ADGRL3: variants seen among roughly 807,000 people sequenced by gnomAD.
The protein encoded by ADGRL3 is calcium-independent alpha-latrotoxin receptor 3.
Under a neutral mutation model 153.5 loss-of-function variants are expected in ADGRL3, and 62 were observed. The observed-to-expected ratio is 0.40, with a 90% CI of 0.33 to 0.50. The LOEUF is 0.50. Ranked by LOEUF, ADGRL3 falls within the 20% of genes least tolerant of loss-of-function variation. The pLI, the probability that ADGRL3 is intolerant of heterozygous loss-of-function variation, is 0.47. For synonymous variants in ADGRL3, 710 were observed against 672.5 expected, an observed-to-expected ratio of 1.06 and a Z score of -0.86; for missense variants, 1,641 against 1,859.4, an observed-to-expected ratio of 0.88 and a Z score of 2.16.
intron 4 of ADGRL3, among the ~76,000 whole-genome samples, chr4:61,555,009 G>A (rs1245481651): frequency 6.6e-6 from 1 of 152,176 alleles, no homozygotes; most frequent in Non-Finnish European, 1.5e-5. Context: ...AGTAAAGTTT[G>A]TCCCTCTGGT....
chr4:61,911,165 C>T (rs1233172143), intron 12 of ADGRL3, among the ~76,000 whole-genome samples: 7 of 151,888 alleles, frequency 4.6e-5, no homozygotes, highest in Non-Finnish European at 8.8e-5. Context: ...CATAATGTAC[C>T]GGATGTAGTC....
intron 2 of ADGRL3, among the ~76,000 whole-genome samples, chr4:61,408,846 A>C (rs1364883271): frequency 6.6e-6 from 1 of 152,028 alleles, no homozygotes; most frequent in Non-Finnish European, 1.5e-5. Flanking sequence ...GCTAAGTCTA[A>C]CATACTTTCA....
chr4:61,254,043 G>A (rs559771081), intron 1 of ADGRL3, among the ~76,000 whole-genome samples: 5 of 152,190 alleles, frequency 3.3e-5, no homozygotes, highest in African/African-American at 7.2e-5. Flanking sequence ...CAGTCAAGTC[G>A]CATTATCAAT....
intron 2 of ADGRL3, among the ~76,000 whole-genome samples, chr4:61,398,185 G>A (rs1442590726): frequency 6.6e-6 from 1 of 151,584 alleles, no homozygotes; most frequent in African/African-American, 2.4e-5. Flanking sequence ...TTAAGAATAA[G>A]AAATAGTTGA....
intron 3 of ADGRL3, among the ~76,000 whole-genome samples, chr4:61,509,397 G>T (rs1474995064): frequency 6.6e-6 from 1 of 151,994 alleles, no homozygotes; most frequent in Admixed American, 6.6e-5. Context: ...CAAAGTGCTG[G>T]GATTACAGGC....
chr4:61,953,339 G>A (rs530887407), intron 17 of ADGRL3, among the ~76,000 whole-genome samples: 1 of 152,260 alleles, frequency 6.6e-6, no homozygotes, highest in African/African-American at 2.4e-5. Flanking sequence ...ATAGCTATTG[G>A]CATCAAGCTG....
chr4:61,817,378 A>G lies in ADGRL3; in HGVS notation c.1480+3489A>G, dbSNP rs560144711. ...TGTTCAAGCCCTCCCATGGCTGCCCATGGACCAATTGGCATGCACTTCCAC... is the reference window on the plus strand; with the variant it reads ...TGTTCAAGCCCTCCCATGGCTGCCCGTGGACCAATTGGCATGCACTTCCAC... On this transcript the variant is annotated intron_variant, in intron 9 of 26. Coordinates refer to ENST00000683033, the MANE Select transcript of ADGRL3 (RefSeq NM_001387552.1). Among the ~76,000 whole-genome samples, 40 of 152,270 alleles carry G rather than the reference A, an allele frequency of 2.6e-4. 1 individual carries two copies. In the South Asian group the frequency reaches 7.7e-3, roughly 29 times the overall value.
chr4:61,496,128 G>A (rs1219823961), intron 2 of ADGRL3, among the ~76,000 whole-genome samples: 1 of 152,162 alleles, frequency 6.6e-6, no homozygotes, highest in Admixed American at 6.5e-5. Flanking sequence ...GATGTTCACA[G>A]ATTTACAGAG....
At chr4:61,545,824 TTCTC>T (rs780104800) in intron 4 of ADGRL3, among the ~76,000 whole-genome samples, 53 of 152,260 alleles carry the variant, frequency 3.5e-4, no homozygotes, top group African/African-American at 6.5e-4. Context: ...CTCTGTGTCT[TTCTC>T]TCTCTATGTT....
At chr4:61,954,898 T>A (rs1425216719) in intron 17 of ADGRL3, among the ~76,000 whole-genome samples, 1 of 152,100 alleles carries the variant, frequency 6.6e-6, no homozygotes, top group Non-Finnish European at 1.5e-5. Flanking sequence ...CCTCAGAGAA[T>A]TTATGGTTTA....
intron 22 of ADGRL3, among the ~76,000 whole-genome samples, chr4:62,030,424 A>T (rs1721369636): frequency 6.6e-6 from 1 of 151,482 alleles, no homozygotes; most frequent in Non-Finnish European, 1.5e-5. Context: ...ATCTCTACTG[A>T]TTTGGTCCTG....
chr4:61,933,797 C>T (rs1469387071), intron 13 of ADGRL3: 1 of 152,174 alleles, frequency 6.6e-6, no homozygotes, highest in Non-Finnish European at 1.5e-5. Context: ...TAGTCTCTCC[C>T]AGCCCCTCGG....
chr4:61,553,109 C>T (rs1010705895), intron 4 of ADGRL3, among the ~76,000 whole-genome samples: 3 of 152,158 alleles, frequency 2.0e-5, no homozygotes, highest in Non-Finnish European at 2.9e-5. Context: ...TAGAAATAAG[C>T]ATAGTTCGTA....
At chr4:61,847,764 AATAT>A (rs1554046057) in intron 9 of ADGRL3, among the ~76,000 whole-genome samples, 3 of 35,906 alleles carry the variant, frequency 8.4e-5, no homozygotes, top group African/African-American at 1.4e-4. Flanking sequence ...TATAATACAA[AATAT>A]ATATATAATA....
At chr4:61,236,953 C>G (rs765058935) in intron 1 of ADGRL3, among the ~76,000 whole-genome samples, 1 of 152,076 alleles carries the variant, frequency 6.6e-6, no homozygotes, top group Non-Finnish European at 1.5e-5. Context: ...GATATTATTA[C>G]ATTAATATCT....
chr4:61,447,037 A>G (rs2097591481), intron 2 of ADGRL3, among the ~76,000 whole-genome samples: 1 of 152,042 alleles, frequency 6.6e-6, no homozygotes, highest in African/African-American at 2.4e-5. Flanking sequence ...TTGGATCCTA[A>G]CTGAATTACT....
chr4:61,700,849 T>A (rs1410170398), intron 6 of ADGRL3, among the ~76,000 whole-genome samples: 1 of 152,230 alleles, frequency 6.6e-6, no homozygotes, highest in Non-Finnish European at 1.5e-5. Context: ...AAGAATGAGC[T>A]AGGGAGAGAA....
At chr4:61,949,027 A>C (rs891905160) in intron 17 of ADGRL3, among the ~76,000 whole-genome samples, 1 of 152,010 alleles carries the variant, frequency 6.6e-6, no homozygotes, top group East Asian at 1.9e-4. Flanking sequence ...GAAAAAAAAA[A>C]AAAACACTAA....
At chr4:61,884,536 C>T (rs2149510638) in intron 9 of ADGRL3, among the ~76,000 whole-genome samples, 1 of 152,310 alleles carries the variant, frequency 6.6e-6, no homozygotes, top group South Asian at 2.1e-4. Flanking sequence ...GGGATTTAAA[C>T]TGCCGTAAAC....
Sources: allele counts gnomAD v4.1 joint callset (sites outside exome capture counted in the v4.1 genomes callset), GRCh38; gene constraint gnomAD v4.1.1; transcripts MANE v1.5; gene names NCBI Gene and HGNC (gene_info 2026-07-23, HGNC 2026-07-21).